Variants in DEFB109B observed in about 807,000 individuals in gnomAD.
DEFB109B encodes defensin beta 109B.
At position 7,316,792 on chromosome 8, in the gene DEFB109B, AAT is replaced by A. The variant is rs1316201242; in HGVS notation, n.59-2936_59-2935del. ...CAAGTGTCCACCACCATCTTCAGCT[AAT>A]ATATATATATATATATACATTTTTT... On this transcript the variant is annotated intron_variant and non_coding_transcript_variant, in intron 1 of 1. Coordinates refer to ENST00000382656, the Ensembl canonical transcript of DEFB109B. Among the ~76,000 whole-genome samples, 82 of 125,244 alleles carry A rather than the reference AAT, an allele frequency of 6.5e-4. 2 individuals are homozygous for A. The highest frequency in any genetic ancestry group is 1.2e-3 in the Admixed American group (17 of 13,608). 82.2% of individuals were successfully genotyped at this position (125,244 alleles called of 152,430 possible).
At chr8:7,312,036 A>G (rs1406530142), upstream of DEFB109B, among the ~76,000 whole-genome samples, 20 of 126,504 alleles carry the variant, frequency 1.6e-4, 1 homozygote, top group Non-Finnish European at 4.5e-5. Flanking sequence ...GAATGTTTGT[A>G]AAAGATGCAA....
At chr8:7,313,790 T>TA (rs1802768393) in intron 1 of DEFB109B, among the ~76,000 whole-genome samples, 1 of 131,378 alleles carries the variant, frequency 7.6e-6, no homozygotes, top group African/African-American at 4.2e-5. Flanking sequence ...AACAGTATTT[T>TA]AAAAAATGTT....
chr8:7,319,664 A>G (rs1476498608), intron 1 of DEFB109B, 82 bp from the exon 2 acceptor site: 1 of 146,402 alleles, frequency 6.8e-6, no homozygotes, highest in Non-Finnish European at 1.5e-5. Context: ...TTCATACTAA[A>G]TTTATTCTGT....
chr8:7,319,251 G>GAA, intron 1 of DEFB109B: 1 of 105,576 alleles, frequency 9.5e-6, no homozygotes, highest in South Asian at 2.7e-4. Flanking sequence ...AAAAAAAAAA[G>GAA]AGAGAGAGAG....
At chr8:7,319,593 A>G (rs1803185646) in intron 1 of DEFB109B, 153 bp from the exon 2 acceptor site, 1 of 139,692 alleles carries the variant, frequency 7.2e-6, no homozygotes, top group Non-Finnish European at 1.5e-5. Context: ...TACCTTTCTT[A>G]AACTGCATGT....
chr8:7,313,540 G>A (rs1775678643), intron 1 of DEFB109B, among the ~76,000 whole-genome samples: 1 of 142,954 alleles, frequency 7.0e-6, no homozygotes, highest in Non-Finnish European at 1.5e-5. Context: ...GAGAGTTAAA[G>A]GAACTTCAGA....
intron 1 of DEFB109B, among the ~76,000 whole-genome samples, chr8:7,313,640 A>G (rs1212433147): frequency 1.4e-5 from 2 of 146,240 alleles, no homozygotes; most frequent in Admixed American, 6.6e-5. Flanking sequence ...CATAACTTTC[A>G]ATACAAAAAT....
At chr8:7,312,222 G>A (rs910848974), upstream of DEFB109B, among the ~76,000 whole-genome samples, 1 of 133,768 alleles carries the variant, frequency 7.5e-6, no homozygotes, top group Admixed American at 7.0e-5. Context: ...ATTGTTCAAG[G>A]GTTAAAGCTA....
upstream of DEFB109B, among the ~76,000 whole-genome samples, chr8:7,310,688 T>C (rs1224027409): frequency 1.4e-5 from 2 of 147,474 alleles, no homozygotes; most frequent in East Asian, 3.9e-4. Flanking sequence ...GAAACTATAC[T>C]CTTAGGGATG....
chr8:7,313,768 C>T (rs2128805434), intron 1 of DEFB109B, among the ~76,000 whole-genome samples: 1 of 132,830 alleles, frequency 7.5e-6, no homozygotes, highest in East Asian at 1.9e-4. Flanking sequence ...ATTAATGAAA[C>T]AAATGAGAAA....
At chr8:7,319,028 G>A (rs1214242457) in intron 1 of DEFB109B, 4 of 144,094 alleles carry the variant, frequency 2.8e-5, no homozygotes, top group South Asian at 2.1e-4. Flanking sequence ...TGTTTAAACA[G>A]GTGAAACCAC....
At chr8:7,318,523 G>A (rs1269159063) in intron 1 of DEFB109B, 1 of 120,310 alleles carries the variant, frequency 8.3e-6, no homozygotes, top group African/African-American at 5.5e-5. Flanking sequence ...TCAGTAGACA[G>A]ATGTGAATAA....
At chr8:7,309,773 G>A (rs1278016011), upstream of DEFB109B, among the ~76,000 whole-genome samples, 4 of 130,786 alleles carry the variant, frequency 3.1e-5, no homozygotes, top group Non-Finnish European at 6.1e-5. Context: ...GAAAGATTAA[G>A]CAACATGTTG....
intron 1 of DEFB109B, among the ~76,000 whole-genome samples, chr8:7,313,985 G>C (rs1252204766): frequency 1.3e-5 from 1 of 76,116 alleles, no homozygotes; most frequent in East Asian, 3.0e-4. Flanking sequence ...TTTTCCTGTT[G>C]CAGTTCACTA....
rs574225399 is a variant in DEFB109B, at chr8:7,319,791, T to C, written n.104T>C. On this transcript the variant is annotated non_coding_transcript_exon_variant, in exon 2 of 2. Transcript: ENST00000382656. ...GCGGAAGGTCATTGTCTCAATTTGT[T>C]TGGTGTTTGCAGAACAGATGTCTGC... is the stretch of plus-strand genomic sequence containing the variant. 8 of 139,046 alleles carry C rather than the reference T, an allele frequency of 5.8e-5. 1 individual carries two copies. Among genetic ancestry groups the C allele is most frequent in the Admixed American group, 3.5e-4 (5 of 14,376 alleles). 8.6% of individuals were successfully genotyped at this position (139,046 alleles called of 1,614,324 possible).
intron 1 of DEFB109B, 26 bp from the exon 2 acceptor site, chr8:7,319,720 A>C (rs557861417): frequency 6.7e-6 from 1 of 148,200 alleles, no homozygotes; most frequent in Non-Finnish European, 1.5e-5. Flanking sequence ...TGGACTAACT[A>C]TCTCACTGGA....
At chr8:7,315,367 T>C (rs1251630034) in intron 1 of DEFB109B, among the ~76,000 whole-genome samples, 1 of 137,458 alleles carries the variant, frequency 7.3e-6, no homozygotes, top group Non-Finnish European at 1.5e-5. Context: ...GGTGCGGTGG[T>C]ACATGCCTTT....
In DEFB109B at chr8:7,315,677, T is replaced by C. The variant is rs1389940132; in HGVS notation, n.58+2774T>C. 3.8e-5 allele frequency among the ~76,000 whole-genome samples: 5 copies of C among 133,016 alleles called. No homozygotes were observed. In the East Asian group the frequency reaches 1.1e-3, roughly 28 times the overall value. 87.3% of individuals were successfully genotyped at this position (133,016 alleles called of 152,430 possible). ...GCTTGAGGTTCACTTGTTTCCTTCT[T>C]ATCTCCATCAAGGGCAGCTTCCTCC... On this transcript the variant is annotated intron_variant and non_coding_transcript_variant, in intron 1 of 1. Coordinates refer to ENST00000382656, the Ensembl canonical transcript of DEFB109B.
At chr8:7,310,611 G>C (rs1487033351), upstream of DEFB109B, among the ~76,000 whole-genome samples, 2 of 143,688 alleles carry the variant, frequency 1.4e-5, no homozygotes, top group Admixed American at 6.8e-5. Flanking sequence ...GTGTGCATGT[G>C]CGTGCCTTTG....
Sources: gnomAD v4.1 joint callset for allele counts (sites outside exome capture counted in the v4.1 genomes callset) on GRCh38, gnomAD v4.1.1 for gene constraint, MANE v1.5 for transcripts, NCBI Gene and HGNC (gene_info 2026-07-23, HGNC 2026-07-21) for gene names.